The following MIS18BP1 variants were observed in gnomAD, a reference collection of about 807,000 sequenced individuals.
MIS18BP1 encodes MIS18 binding protein 1, also known as mis18-binding protein 1.
A neutral mutation model predicts 116.1 loss-of-function variants in MIS18BP1; 72 were observed. The observed-to-expected ratio is 0.62, with a 90% CI of 0.51 to 0.75. The LOEUF is 0.75. MIS18BP1 is among the 30% of genes least tolerant of loss of function. MIS18BP1 has a pLI of 0.00. For missense variants in MIS18BP1, 1,363 were observed against 1,303.2 expected (o/e 1.05, Z -0.71); for synonymous variants, 386 against 427.0 (o/e 0.90, Z 1.18).
At chr14:45,235,436 C>T (rs1891397948) in intron 6 of MIS18BP1, among the ~76,000 whole-genome samples, 1 of 148,506 alleles carries the variant, frequency 6.7e-6, no homozygotes, top group African/African-American at 2.4e-5. Context: ...ACTAAAAATA[C>T]AAAAATTAGT....
chr14:45,240,272 A>G (rs919171333), intron 4 of MIS18BP1, among the ~76,000 whole-genome samples: 1 of 152,148 alleles, frequency 6.6e-6, no homozygotes, highest in African/African-American at 2.4e-5. Context: ...AGCAAAGAGG[A>G]CTGAGAAGGG....
At chr14:45,206,408 T>A in intron 14 of MIS18BP1, 1 of 374,918 alleles carries the variant, frequency 2.7e-6, no homozygotes, top group South Asian at 3.0e-5. Context: ...CAACTCAGCC[T>A]CCCAAGTAGC....
At position 45,218,359 on chromosome 14, in the gene MIS18BP1, T is replaced by C. The variant is rs909212917; in HGVS notation, c.2765A>G (p.Tyr922Cys). 2 of 1,614,134 alleles carry C rather than the reference T, an allele frequency of 1.2e-6. No homozygotes were observed. The highest frequency in any genetic ancestry group is 2.7e-5 in the African/African-American group (2 of 75,042). The change falls in exon 12 of 17, where the codon TAC becomes TGC. Residue 922 changes from tyrosine (Y) to cysteine (C), a missense_variant. Coordinates refer to ENST00000310806, the MANE Select transcript of MIS18BP1 (RefSeq NM_018353.5). ...SRSPEECQRK[Y>C]MENPRGKGSQ... ...TCCTTTTCCTCTGGGATTTTCCATG[T>C]ATTTCCTCTGGCATTCTTCAGGAGA... is the stretch of plus-strand genomic sequence containing the variant.
rs1891071173 is a variant in MIS18BP1, at chr14:45,224,520, T to C, written c.2067A>G (p.Lys689=). 2 of 1,611,266 alleles carry C rather than the reference T, an allele frequency of 1.2e-6. No homozygotes were observed. The highest frequency in any genetic ancestry group is 1.7e-6 in the Non-Finnish European group (2 of 1,179,194). Residue 689 remains lysine, a synonymous_variant, in exon 11 of 17, where the codon AAA becomes AAG. Coordinates refer to ENST00000310806, the MANE Select transcript of MIS18BP1 (RefSeq NM_018353.5). The part of the protein sequence containing the change: ...TDFVIPECQK[K]SPISKSMGTL... Reference sequence around the variant, plus strand: ...TCCCCATGGACTTGCTGATGGGACTTTTTTTTTGACACTCTGGTATTACAA... The same window carrying C: ...TCCCCATGGACTTGCTGATGGGACTCTTTTTTTGACACTCTGGTATTACAA...
Position 45,204,014 on chromosome 14 carries a change from G to A in MIS18BP1, c.*95C>T. On this transcript the variant is annotated 3_prime_UTR_variant, in exon 17 of 17. Transcript: ENST00000310806. ...AAAAAAGTCCACATTTTCATAGGAAGCTACTTTACAAAGAAAATACATGTA... is the reference window on the plus strand; with the variant it reads ...AAAAAAGTCCACATTTTCATAGGAAACTACTTTACAAAGAAAATACATGTA... The A allele has an allele frequency of 1.4e-6, 2 of 1,477,094 alleles. No individual in the cohort carries two copies. Among genetic ancestry groups the A allele is most frequent in the South Asian group, 2.8e-5 (2 of 71,898 alleles). 91.5% of individuals were successfully genotyped at this position (1,477,094 alleles called of 1,614,324 possible). A position where few individuals can be genotyped will look rare whatever the true frequency, so the allele number is the denominator to read the frequency against.
At chr14:45,221,031 A>G (rs1824615160) in intron 11 of MIS18BP1, among the ~76,000 whole-genome samples, 2 of 152,144 alleles carry the variant, frequency 1.3e-5, no homozygotes, top group African/African-American at 4.8e-5. Context: ...GCTACTTGGG[A>G]GGCTGAGGCA....
intron 2 of MIS18BP1, among the ~76,000 whole-genome samples, chr14:45,245,418 G>A (rs1403724556): frequency 6.6e-6 from 1 of 151,370 alleles, no homozygotes; most frequent in African/African-American, 2.4e-5. Context: ...AGGCTGGAGT[G>A]CAATGGCGTG....
chr14:45,249,321 G>A (rs1465482897), intron 1 of MIS18BP1, among the ~76,000 whole-genome samples: 1 of 152,010 alleles, frequency 6.6e-6, no homozygotes, highest in African/African-American at 2.4e-5. Context: ...CCTGACCTCA[G>A]GTGATCCACT....
chr14:45,243,117 T>G (rs1891630510), intron 2 of MIS18BP1, among the ~76,000 whole-genome samples: 1 of 152,158 alleles, frequency 6.6e-6, no homozygotes, highest in Admixed American at 6.5e-5. Context: ...AAACCTTCTC[T>G]GAACACAACC....
In MIS18BP1 at chr14:45,217,280, TA is replaced by T. The variant is rs201349776; in HGVS notation, c.2843-102del. 1.1e-4 allele frequency: 147 copies of T among 1,378,758 alleles called. 2 individuals are homozygous for T. Among genetic ancestry groups the T allele is most frequent in the African/African-American group, 4.0e-4 (27 of 68,244 alleles). The allele number at this position is 1,378,758 out of a possible 1,614,324, so 85.4% of individuals were successfully genotyped here. ...CAAAGTCTAAATTGTGCATTCATGT[TA>T]AAAAAAAACCAAAAAACTCAGCCTT... is the stretch of plus-strand genomic sequence containing the variant. On this transcript the variant is annotated intron_variant, in intron 12 of 16. Transcript: ENST00000310806.
chr14:45,248,055 G>GTTTTTTTTTTTTTTTTTTCT (rs1891770951), intron 1 of MIS18BP1, among the ~76,000 whole-genome samples: 4 of 109,232 alleles, frequency 3.7e-5, no homozygotes, highest in Non-Finnish European at 5.7e-5. Context: ...TGTTTCTTTC[G>GTTTTTTTTTTTTTTTTTTCT]TTTTTTTTTT....
chr14:45,223,888 G>T, intron 11 of MIS18BP1, 30 bp downstream of exon 11: 1 of 1,473,350 alleles, frequency 6.8e-7, no homozygotes, highest in Non-Finnish European at 9.1e-7. Context: ...CTGCTCTGTA[G>T]ATATTTCGGA....
intron 1 of MIS18BP1, among the ~76,000 whole-genome samples, chr14:45,252,402 T>G (rs1054481440): frequency 6.6e-6 from 1 of 152,208 alleles, no homozygotes; most frequent in South Asian, 2.1e-4. Flanking sequence ...TTTAAAAAAA[T>G]TTTTAAGTAA....
At chr14:45,245,355 CT>C (rs1364006054) in intron 2 of MIS18BP1, among the ~76,000 whole-genome samples, 1 of 151,928 alleles carries the variant, frequency 6.6e-6, no homozygotes, top group Non-Finnish European at 1.5e-5. Flanking sequence ...CCTTTCTACT[CT>C]TTTCTTTTTT....
chr14:45,242,944 A>C, intron 2 of MIS18BP1, 70 bp from the exon 3 acceptor site: 1 of 990,490 alleles, frequency 1.0e-6, no homozygotes, highest in Non-Finnish European at 1.5e-6. Context: ...ACAGCTTTTA[A>C]AATTCTTGAA....
Position 45,203,945 on chromosome 14 carries a change from G to A in MIS18BP1, c.*164C>T. 1.0e-6 allele frequency: 1 copy of A among 953,016 alleles called. No individual in the cohort carries two copies. Among genetic ancestry groups the A allele is most frequent in the South Asian group, 2.4e-5 (1 of 42,116 alleles). 59.0% of individuals were successfully genotyped at this position (953,016 alleles called of 1,614,324 possible). A position where few individuals can be genotyped will look rare whatever the true frequency, so the allele number is the denominator to read the frequency against. On this transcript the variant is annotated 3_prime_UTR_variant, in exon 17 of 17. Coordinates refer to ENST00000310806, the MANE Select transcript of MIS18BP1 (RefSeq NM_018353.5). Reference sequence around the variant, plus strand: ...TTCTTTACATTTTTAGTAAGCTGCAGCAATGAGGATATTTTACTTTGAACA... The same window carrying A: ...TTCTTTACATTTTTAGTAAGCTGCAACAATGAGGATATTTTACTTTGAACA...
intron 6 of MIS18BP1, among the ~76,000 whole-genome samples, chr14:45,234,444 G>T (rs373028071): frequency 1.3e-5 from 2 of 152,088 alleles, no homozygotes; most frequent in East Asian, 3.9e-4. Flanking sequence ...GGCTGACATA[G>T]ACAGTAACGT....
Position 45,246,834 on chromosome 14 carries a change from G to A in MIS18BP1, c.453C>T (p.Asn151=), listed in dbSNP as rs1483090971. Residue 151 remains asparagine (N), a synonymous_variant, in exon 2 of 17, where the codon AAC becomes AAT. Coordinates refer to ENST00000310806, the MANE Select transcript of MIS18BP1 (RefSeq NM_018353.5). ...GCTGCAATTTTTTTTTTTCAACTCT[G>A]TTAGGAGTGAAGGTTTCATTATTTC... ...KSGNNETFTP[N]RVEKKKLQHT... 6.2e-7 allele frequency: 1 copy of A among 1,604,916 alleles called. No individual in the cohort carries two copies. The highest frequency in any genetic ancestry group is 8.5e-7 in the Non-Finnish European group (1 of 1,177,442).
intron 13 of MIS18BP1, among the ~76,000 whole-genome samples, chr14:45,213,877 G>A (rs1890742350): frequency 6.6e-6 from 1 of 152,216 alleles, no homozygotes; most frequent in Non-Finnish European, 1.5e-5. Flanking sequence ...ACAGAGACAT[G>A]TGCTGTGTTG....
Sources: allele counts gnomAD v4.1 joint callset (sites outside exome capture counted in the v4.1 genomes callset), GRCh38; gene constraint gnomAD v4.1.1; transcripts MANE v1.5; gene names NCBI Gene and HGNC (gene_info 2026-07-23, HGNC 2026-07-21).